CRADD: variants seen among roughly 807,000 people sequenced by gnomAD.
The protein encoded by CRADD is death domain-containing protein CRADD.
Under a neutral mutation model 15.5 loss-of-function variants are expected in CRADD, and 9 were observed. The ratio of observed to expected loss-of-function variants is 0.58; its 90% CI spans 0.35 to 1.01. CRADD has a LOEUF of 1.01. Among genes scored for constraint, CRADD ranks in the 50% least tolerant of loss-of-function variants. The pLI, the probability that CRADD is intolerant of heterozygous loss-of-function variation, is 0.02. For synonymous variants in CRADD, 118 were observed against 107.6 expected (o/e 1.10, Z -0.60); for missense variants, 227 against 250.3 (o/e 0.91, Z 0.63).
At chr12:93,793,106 A>T (rs1565916254) in intron 2 of CRADD, among the ~76,000 whole-genome samples, 1 of 152,144 alleles carries the variant, frequency 6.6e-6, no homozygotes, top group African/African-American at 2.4e-5. Context: ...TAGTGAAAAA[A>T]CAAAAATAGA....
chr12:93,754,107 C>T (rs947024997), intron 2 of CRADD, among the ~76,000 whole-genome samples: 1 of 152,366 alleles, frequency 6.6e-6, no homozygotes, highest in Non-Finnish European at 1.5e-5. Context: ...TTTCTGTGCA[C>T]CTGCAGGACC....
At chr12:93,678,657 T>C in intron 1 of CRADD, 112 bp from the exon 2 acceptor site, 1 of 1,110,836 alleles carries the variant, frequency 9.0e-7, no homozygotes, top group Non-Finnish European at 1.3e-6. Flanking sequence ...CCTGGCAGTC[T>C]GCTATGGTTT....
At chr12:93,887,784 A>G (rs976921017) in intron 2 of CRADD, among the ~76,000 whole-genome samples, 1 of 151,594 alleles carries the variant, frequency 6.6e-6, no homozygotes, top group Non-Finnish European at 1.5e-5. Flanking sequence ...ACTAAGGCAC[A>G]GGGGATACAA....
At chr12:93,892,428 G>A (rs1958582655) in intron 2 of CRADD, among the ~76,000 whole-genome samples, 1 of 152,280 alleles carries the variant, frequency 6.6e-6, no homozygotes, top group East Asian at 1.9e-4. Flanking sequence ...GCGCCTGTCT[G>A]TACCAGTGTA....
chr12:93,703,262 T>C (rs1308192470), intron 2 of CRADD, among the ~76,000 whole-genome samples: 1 of 152,208 alleles, frequency 6.6e-6, no homozygotes, highest in African/African-American at 2.4e-5. Context: ...ATAAAAATTA[T>C]GGTATAGTCA....
intron 2 of CRADD, among the ~76,000 whole-genome samples, chr12:93,878,497 T>C (rs1364583981): frequency 6.6e-6 from 1 of 152,142 alleles, no homozygotes. Flanking sequence ...CCAACTGGTG[T>C]CTCAGTAGGT....
At chr12:93,767,054 G>A (rs1329870680) in intron 2 of CRADD, among the ~76,000 whole-genome samples, 1 of 152,120 alleles carries the variant, frequency 6.6e-6, no homozygotes, top group Non-Finnish European at 1.5e-5. Flanking sequence ...CAGACCCTCG[G>A]GCCTTGTCCT....
At chr12:93,694,879 C>G (rs118095423) in intron 2 of CRADD, among the ~76,000 whole-genome samples, 5,364 of 152,130 alleles carry the variant, frequency 0.035, 112 homozygotes, top group African/African-American at 0.073. Context: ...TTAAAATGTC[C>G]ATACTACCCA....
chr12:93,842,206 C>G (rs916503748), intron 2 of CRADD, among the ~76,000 whole-genome samples: 1 of 152,148 alleles, frequency 6.6e-6, no homozygotes, highest in East Asian at 1.9e-4. Context: ...GTAAGGTGAT[C>G]ACATCATTGA....
chr12:93,747,371 G>C (rs1956769213), intron 2 of CRADD, among the ~76,000 whole-genome samples: 1 of 152,118 alleles, frequency 6.6e-6, no homozygotes, highest in South Asian at 2.1e-4. Context: ...GAGACAGGGA[G>C]ACGGGAAAGC....
chr12:93,861,071 A>T (rs990881895), intron 2 of CRADD, among the ~76,000 whole-genome samples: 70 of 152,220 alleles, frequency 4.6e-4, no homozygotes, highest in African/African-American at 1.6e-3. Flanking sequence ...CTTGGCCAAG[A>T]TTTTCAAAGA....
At chr12:93,779,878 C>G (rs546505204) in intron 2 of CRADD, among the ~76,000 whole-genome samples, 1 of 152,148 alleles carries the variant, frequency 6.6e-6, no homozygotes, top group African/African-American at 2.4e-5. Context: ...CATGAGCCAC[C>G]GCGCCTGGCC....
intron 2 of CRADD, among the ~76,000 whole-genome samples, chr12:93,868,686 GCACACA>G (rs570970896): frequency 9.1e-5 from 13 of 142,824 alleles, no homozygotes; most frequent in African/African-American, 3.1e-4. Flanking sequence ...TCTCTCTCTT[GCACACA>G]CACACACACA....
intron 2 of CRADD, among the ~76,000 whole-genome samples, chr12:93,690,665 A>T (rs1311632172): frequency 6.6e-6 from 1 of 152,232 alleles, no homozygotes; most frequent in African/African-American, 2.4e-5. Context: ...ACAGATGAGG[A>T]GACTAAGGTG....
intron 2 of CRADD, among the ~76,000 whole-genome samples, chr12:93,809,324 T>C (rs1181093630): frequency 6.6e-6 from 1 of 152,222 alleles, no homozygotes; most frequent in Non-Finnish European, 1.5e-5. Context: ...TTGCTGTGCA[T>C]ATAATTGTGC....
chr12:93,857,999 C>A (rs1958289126), intron 2 of CRADD, among the ~76,000 whole-genome samples: 1 of 152,210 alleles, frequency 6.6e-6, no homozygotes, highest in African/African-American at 2.4e-5. Flanking sequence ...TTTCTGTCAG[C>A]CTCTGGAAGT....
chr12:93,767,877 T>C (rs1047856863), intron 2 of CRADD, among the ~76,000 whole-genome samples: 1 of 152,168 alleles, frequency 6.6e-6, no homozygotes, highest in African/African-American at 2.4e-5. Flanking sequence ...CACAAGCAAA[T>C]TCAATTCAAC....
chr12:93,793,095 A>G (rs1592995300), intron 2 of CRADD, among the ~76,000 whole-genome samples: 1 of 152,318 alleles, frequency 6.6e-6, no homozygotes, highest in East Asian at 1.9e-4. Flanking sequence ...TTAATAATTT[A>G]TAGTGAAAAA....
intron 2 of CRADD, among the ~76,000 whole-genome samples, chr12:93,797,495 A>G (rs1447401121): frequency 6.6e-6 from 1 of 152,138 alleles, no homozygotes; most frequent in Non-Finnish European, 1.5e-5. Flanking sequence ...CCTCACCAAA[A>G]TGTTAAGACG....
Sources: gnomAD v4.1 joint callset for allele counts (sites outside exome capture counted in the v4.1 genomes callset) on GRCh38, gnomAD v4.1.1 for gene constraint, MANE v1.5 for transcripts, NCBI Gene and HGNC (gene_info 2026-07-23, HGNC 2026-07-21) for gene names.